The following PISD variants were observed in gnomAD, a reference collection of about 807,000 sequenced individuals.
PISD encodes the protein phosphatidylserine decarboxylase.
In PISD, 31 loss-of-function variants were observed where a neutral mutation model predicts 43.5. The observed-to-expected ratio is 0.71, with a 90% CI of 0.54 to 0.96. PISD has a LOEUF of 0.96. PISD is among the 40% of genes least tolerant of loss of function. PISD has a pLI of 0.00. For synonymous variants in PISD, 259 were observed against 228.7 expected, an observed-to-expected ratio of 1.13 and a Z score of -1.20; for missense variants, 523 against 548.4, an observed-to-expected ratio of 0.95 and a Z score of 0.46.
intron 1 of PISD, among the ~76,000 whole-genome samples, chr22:31,656,044 A>C (rs2074161963): frequency 6.6e-6 from 1 of 151,712 alleles, no homozygotes; most frequent in Non-Finnish European, 1.5e-5. Flanking sequence ...CTGTAATCTC[A>C]GCACTTTGAG....
chr22:31,625,474 C>A (rs751815168), intron 3 of PISD: 18 of 549,374 alleles, frequency 3.3e-5, no homozygotes, highest in Non-Finnish European at 6.5e-6. Context: ...GGGCTGCGAG[C>A]AGGGGGCCTG....
intron 3 of PISD, among the ~76,000 whole-genome samples, chr22:31,640,051 T>A (rs2073643965): frequency 6.6e-6 from 1 of 152,072 alleles, no homozygotes; most frequent in Non-Finnish European, 1.5e-5. Flanking sequence ...AATCAGGGAC[T>A]CAAGGGAATA....
Position 31,618,764 on chromosome 22 carries a change from T to C in PISD, c.*848A>G. ...AACTATCCACCAAGGGTCCTCTGCCTCCAAGACAGACCCTGAATCAATAGC... is the reference window on the plus strand; with the variant it reads ...AACTATCCACCAAGGGTCCTCTGCCCCCAAGACAGACCCTGAATCAATAGC... On this transcript the variant is annotated 3_prime_UTR_variant, in exon 8 of 8. Transcript: ENST00000439502. 1 of 209,324 alleles carries C rather than the reference T, an allele frequency of 4.8e-6. No homozygotes were observed. Among genetic ancestry groups the C allele is most frequent in the South Asian group, 1.5e-4 (1 of 6,466 alleles). The allele number at this position is 209,324 out of a possible 1,614,324, so 13.0% of individuals were successfully genotyped here. A position where few individuals can be genotyped will look rare whatever the true frequency, so the allele number is the denominator to read the frequency against.
chr22:31,634,012 GAGGCTCTGC>G (rs926768507), intron 3 of PISD, among the ~76,000 whole-genome samples: 4 of 152,154 alleles, frequency 2.6e-5, no homozygotes, highest in African/African-American at 7.2e-5. Context: ...GTGCCACTGT[GAGGCTCTGC>G]AGGCTCTCAG....
chr22:31,652,701 G>A (rs549990263), intron 1 of PISD, among the ~76,000 whole-genome samples: 250 of 147,560 alleles, frequency 1.7e-3, no homozygotes, highest in African/African-American at 5.9e-3. Flanking sequence ...CCAGCTACTC[G>A]GGAGGCTGAG....
intron 1 of PISD, among the ~76,000 whole-genome samples, chr22:31,659,380 CTTCTCCCTTCTCTA>C (rs1236231214): frequency 6.6e-6 from 1 of 152,148 alleles, no homozygotes; most frequent in Non-Finnish European, 1.5e-5. Flanking sequence ...TCCCTTCTCT[CTTCTCCCTTCTCTA>C]TGGTCCGTTG....
intron 3 of PISD, among the ~76,000 whole-genome samples, chr22:31,636,153 G>C (rs2073426402): frequency 6.6e-6 from 1 of 152,234 alleles, no homozygotes; most frequent in Non-Finnish European, 1.5e-5. Context: ...CTCCAGGAAG[G>C]GGACAGGGAG....
intron 3 of PISD, among the ~76,000 whole-genome samples, chr22:31,633,193 A>G (rs1322088797): frequency 6.6e-6 from 1 of 152,248 alleles, no homozygotes; most frequent in Non-Finnish European, 1.5e-5. Flanking sequence ...GTACTTACAG[A>G]CCAGCCCACA....
At chr22:31,624,712 GACACACACACACACACAC>G (rs55946723) in intron 3 of PISD, among the ~76,000 whole-genome samples, 104 of 111,990 alleles carry the variant, frequency 9.3e-4, no homozygotes, top group South Asian at 7.8e-3. Context: ...AGCAAAGGTG[GACACACACACACACACAC>G]ACACACACAC....
At position 31,621,104 on chromosome 22, in the gene PISD, G is replaced by A. The variant is rs534289437; in HGVS notation, c.736C>T (p.Arg246Trp). 3.0e-5 allele frequency: 48 copies of A among 1,614,158 alleles called. No individual in the cohort carries two copies. The highest frequency in any genetic ancestry group is 1.6e-4 in the Middle Eastern group (1 of 6,062). Residue 246 changes from arginine to tryptophan, a missense_variant, in exon 6 of 8, where the codon CGG becomes TGG. Arg to Trp is a moderately radical substitution (Grantham distance 101, BLOSUM62 -3). Coordinates refer to ENST00000439502, the MANE Select transcript of PISD (RefSeq NM_001326411.2). ...CAGTGATAGAGCTCATTCCCTTCCC[G>A]GGTGACCAGCTGGTTCTTGAAGGAG... Reference protein sequence around the residue: ...CDSFKNQLVTREGNELYHCVI... With the variant: ...CDSFKNQLVTWEGNELYHCVI...
chr22:31,628,647 C>T (rs2073036623), intron 3 of PISD, among the ~76,000 whole-genome samples: 1 of 152,166 alleles, frequency 6.6e-6, no homozygotes, highest in African/African-American at 2.4e-5. Flanking sequence ...CTACCTCTGC[C>T]CTGAGAGCAG....
At chr22:31,637,837 T>C (rs2073558505) in intron 3 of PISD, among the ~76,000 whole-genome samples, 1 of 152,228 alleles carries the variant, frequency 6.6e-6, no homozygotes, top group Non-Finnish European at 1.5e-5. Flanking sequence ...AGGAAAGCTC[T>C]TCACTCCCTA....
intron 3 of PISD, among the ~76,000 whole-genome samples, chr22:31,631,388 G>A (rs554542732): frequency 1.3e-5 from 2 of 152,292 alleles, no homozygotes; most frequent in African/African-American, 4.8e-5. Flanking sequence ...GAAGCTACAA[G>A]GCTGCTCCCA....
intron 3 of PISD, among the ~76,000 whole-genome samples, chr22:31,631,520 GCA>G (rs1251865285): frequency 6.6e-6 from 1 of 152,212 alleles, no homozygotes; most frequent in Non-Finnish European, 1.5e-5. Context: ...CCAGCCTAGA[GCA>G]CACAGGCCTC....
rs888260633 is a variant in PISD at position 31,630,538 on chromosome 22, A to G, written c.322-8653T>C. ...TTCCCGTACCCGCGCCCGGCAGGAGATAAGATGTGGAGGAAGTGAGCTCAC... is the reference window on the plus strand; with the variant it reads ...TTCCCGTACCCGCGCCCGGCAGGAGGTAAGATGTGGAGGAAGTGAGCTCAC... On this transcript the variant is annotated intron_variant, in intron 3 of 7. Transcript: ENST00000439502. This position sits in a 1 kb window ranked among gnomAD's most constrained non-coding sequence, Gnocchi z 4.4. The G allele has an allele frequency of 5.6e-6, 1 of 179,716 alleles. No individual in the cohort carries two copies. Among genetic ancestry groups the G allele is most frequent in the African/African-American group, 2.4e-5 (1 of 41,862 alleles). The allele number at this position is 179,716 out of a possible 1,614,324, so 11.1% of individuals were successfully genotyped here. A position where few individuals can be genotyped will look rare whatever the true frequency, so the allele number is the denominator to read the frequency against.
At chr22:31,622,817 G>A (rs1186665550) in intron 3 of PISD, among the ~76,000 whole-genome samples, 2 of 152,190 alleles carry the variant, frequency 1.3e-5, no homozygotes, top group Non-Finnish European at 2.9e-5. Flanking sequence ...TAAACTTCAG[G>A]TGCTGCTGCC....
chr22:31,648,394 G>A, intron 2 of PISD, 118 bp from the exon 3 acceptor site: 1 of 796,934 alleles, frequency 1.3e-6, no homozygotes, highest in Non-Finnish European at 2.0e-6. Flanking sequence ...GCCCTCAGTA[G>A]GGGACCAGGC....
intron 2 of PISD, among the ~76,000 whole-genome samples, chr22:31,649,455 T>C (rs1453547062): frequency 6.6e-6 from 1 of 152,142 alleles, no homozygotes; most frequent in Non-Finnish European, 1.5e-5. Flanking sequence ...GGTTGCAGGC[T>C]GGGCATGGTG....
rs146298997 is a variant in PISD, at chr22:31,635,461, C to G, written c.321+12640G>C. ...GGGACTACAGGTACCTGCCACCACACTGGGCTAATTTTTGTATTTTTAGTA... is the reference window on the plus strand; with the variant it reads ...GGGACTACAGGTACCTGCCACCACAGTGGGCTAATTTTTGTATTTTTAGTA... On this transcript the variant is annotated intron_variant, in intron 3 of 7. Coordinates refer to ENST00000439502, the MANE Select transcript of PISD (RefSeq NM_001326411.2). Among the ~76,000 whole-genome samples, 95 of 152,240 alleles carry G rather than the reference C, an allele frequency of 6.2e-4. 1 individual carries two copies. The East Asian group carries it at 0.017, about 27-fold the overall frequency.
Sources: gnomAD v4.1 joint callset for allele counts (sites outside exome capture counted in the v4.1 genomes callset) on GRCh38, gnomAD v4.1.1 for gene constraint, Gnocchi (gnomAD v3.1) non-coding constraint, MANE v1.5 for transcripts, NCBI Gene and HGNC (gene_info 2026-07-23, HGNC 2026-07-21) for gene names.